LRRC4C: variants seen among roughly 807,000 people sequenced by gnomAD.
LRRC4C encodes the protein leucine rich repeat containing 4C, also known as leucine-rich repeat-containing protein 4C.
LRRC4C carries 5 observed loss-of-function variants against 33.6 expected under a neutral mutation model. That is an observed-to-expected ratio of 0.15 (90% CI 0.08 to 0.31). The LOEUF (loss-of-function observed/expected upper bound fraction) is 0.31, where lower values mean the gene tolerates loss of function less well. LRRC4C is among the 10% of genes least tolerant of loss of function. The pLI, the probability that LRRC4C is intolerant of heterozygous loss-of-function variation, is 1.00. For missense variants in LRRC4C, 560 were observed against 796.7 expected, an observed-to-expected ratio of 0.70 and a Z score of 3.58; for synonymous variants, 329 against 302.0, an observed-to-expected ratio of 1.09 and a Z score of -0.93.
At chr11:40,633,862 G>A (rs533916759) in intron 3 of LRRC4C, among the ~76,000 whole-genome samples, 2 of 152,102 alleles carry the variant, frequency 1.3e-5, no homozygotes, top group South Asian at 2.1e-4. Context: ...TGAGTATTTT[G>A]TAGGCAAAAA....
At chr11:41,245,361 C>T (rs560279065) in intron 1 of LRRC4C, among the ~76,000 whole-genome samples, 6 of 152,218 alleles carry the variant, frequency 3.9e-5, no homozygotes, top group South Asian at 2.1e-4. Context: ...CACGAAACAG[C>T]GAGGGGTGTG....
At chr11:40,750,254 G>A (rs991598407) in intron 2 of LRRC4C, among the ~76,000 whole-genome samples, 1 of 151,896 alleles carries the variant, frequency 6.6e-6, no homozygotes, top group African/African-American at 2.4e-5. Flanking sequence ...GACCAGATGG[G>A]CACAGCTAGA....
At position 41,170,090 on chromosome 11, in the gene LRRC4C, C is replaced by A. The variant is rs183953791; in HGVS notation, c.-495-236367G>T. ...CACTCTCATAACTTCAAATTTTACACACATACTGAATCCTTCACTGATATC... is the reference window on the plus strand; with the variant it reads ...CACTCTCATAACTTCAAATTTTACAAACATACTGAATCCTTCACTGATATC... On this transcript the variant is annotated intron_variant, in intron 1 of 6. Transcript: ENST00000528697. 2.3e-3 allele frequency among the ~76,000 whole-genome samples: 355 copies of A among 152,212 alleles called. 1 individual carries two copies. Among genetic ancestry groups the A allele is most frequent in the African/African-American group, 7.1e-3 (294 of 41,550 alleles).
rs887967808 is a variant in LRRC4C, at chr11:41,193,134, C to A, written c.-495-259411G>T. 5.3e-5 allele frequency among the ~76,000 whole-genome samples: 8 copies of A among 152,052 alleles called. No homozygotes were observed. In the South Asian group the frequency reaches 1.5e-3, roughly 28 times the overall value. On this transcript the variant is annotated intron_variant, in intron 1 of 6. Coordinates refer to ENST00000528697, the MANE Select transcript of LRRC4C (RefSeq NM_001258419.2). ...GAAGAGAAAATATAAATACTAGCTA[C>A]CAATCTTTGGGTTGTACAACAAGAA...
intron 1 of LRRC4C, among the ~76,000 whole-genome samples, chr11:41,450,972 T>C (rs1956001306): frequency 6.6e-6 from 1 of 152,136 alleles, no homozygotes; most frequent in East Asian, 1.9e-4. Flanking sequence ...ACGTGCTGAC[T>C]TTATTATTTT....
intron 1 of LRRC4C, among the ~76,000 whole-genome samples, chr11:41,276,369 A>C (rs181246051): frequency 8.3e-4 from 127 of 152,276 alleles, no homozygotes; most frequent in Non-Finnish European, 1.6e-3. Context: ...TTTTACCAGA[A>C]GTTGCTAGCA....
At chr11:40,844,151 G>T (rs1422695942) in intron 2 of LRRC4C, among the ~76,000 whole-genome samples, 1 of 151,486 alleles carries the variant, frequency 6.6e-6, no homozygotes, top group Admixed American at 6.6e-5. Flanking sequence ...TACAGCAATT[G>T]AACTAGTTTA....
At chr11:40,829,540 A>C (rs899019321) in intron 2 of LRRC4C, among the ~76,000 whole-genome samples, 5 of 151,996 alleles carry the variant, frequency 3.3e-5, no homozygotes, top group Admixed American at 1.3e-4. Context: ...ATGATATTTA[A>C]CTCCAAGTAT....
At chr11:40,790,060 A>G (rs1421509334) in intron 2 of LRRC4C, among the ~76,000 whole-genome samples, 1 of 152,230 alleles carries the variant, frequency 6.6e-6, no homozygotes, top group East Asian at 1.9e-4. Context: ...TAGAAAACAT[A>G]AGGAATTAAA....
intron 3 of LRRC4C, among the ~76,000 whole-genome samples, chr11:40,469,777 T>C (rs923521642): frequency 1.3e-5 from 2 of 152,166 alleles, no homozygotes; most frequent in African/African-American, 4.8e-5. Context: ...AAGTTTGAAC[T>C]GGGTGGAGCC....
chr11:41,158,248 T>A (rs1018595394), intron 1 of LRRC4C, among the ~76,000 whole-genome samples: 1 of 152,154 alleles, frequency 6.6e-6, no homozygotes, highest in African/African-American at 2.4e-5. Context: ...ATTATATCCC[T>A]GTCAGCATGA....
At chr11:41,059,773 C>T (rs1196505451) in intron 1 of LRRC4C, among the ~76,000 whole-genome samples, 3 of 152,022 alleles carry the variant, frequency 2.0e-5, no homozygotes, top group Admixed American at 1.3e-4. Flanking sequence ...GCCTGTAATC[C>T]CAGCACTTTG....
chr11:40,860,700 C>T (rs550528867), intron 2 of LRRC4C, among the ~76,000 whole-genome samples: 4 of 151,296 alleles, frequency 2.6e-5, no homozygotes, highest in Non-Finnish European at 5.9e-5. Context: ...TCCAGGATAA[C>T]CTCATTTCAA....
At chr11:40,743,445 C>T (rs1233063798) in intron 2 of LRRC4C, among the ~76,000 whole-genome samples, 1 of 152,034 alleles carries the variant, frequency 6.6e-6, no homozygotes, top group Non-Finnish European at 1.5e-5. Context: ...AAGATGTCAG[C>T]AGAGATGCAT....
At chr11:40,404,163 G>T (rs1443992382) in intron 3 of LRRC4C, among the ~76,000 whole-genome samples, 1 of 152,042 alleles carries the variant, frequency 6.6e-6, no homozygotes, top group Non-Finnish European at 1.5e-5. Context: ...AAGCTAACCT[G>T]CTGGCTGATG....
chr11:40,503,579 T>C (rs1257978259), intron 3 of LRRC4C, among the ~76,000 whole-genome samples: 1 of 152,186 alleles, frequency 6.6e-6, no homozygotes, highest in African/African-American at 2.4e-5. Context: ...AGTCTTTCAA[T>C]CTATTTAAAG....
chr11:40,320,171 A>G (rs576638761), intron 3 of LRRC4C, among the ~76,000 whole-genome samples: 1 of 152,294 alleles, frequency 6.6e-6, no homozygotes, highest in South Asian at 2.1e-4. Flanking sequence ...ACAGATAATT[A>G]TCTGTTTATT....
chr11:41,427,056 T>G (rs1955066271), intron 1 of LRRC4C, among the ~76,000 whole-genome samples: 1 of 152,160 alleles, frequency 6.6e-6, no homozygotes, highest in African/African-American at 2.4e-5. Flanking sequence ...AAAATATATC[T>G]TATCTTTCTA....
intron 3 of LRRC4C, among the ~76,000 whole-genome samples, chr11:40,409,651 T>C (rs1392224013): frequency 1.3e-5 from 2 of 152,028 alleles, no homozygotes; most frequent in Non-Finnish European, 2.9e-5. Context: ...TCATTAATCG[T>C]CAGGAAAGCA....
Sources: gnomAD v4.1 joint callset for allele counts (sites outside exome capture counted in the v4.1 genomes callset) on GRCh38, gnomAD v4.1.1 for gene constraint, MANE v1.5 for transcripts, NCBI Gene and HGNC (gene_info 2026-07-23, HGNC 2026-07-21) for gene names.